ETF1: variants seen among roughly 807,000 people sequenced by gnomAD.
ETF1 encodes the protein eukaryotic peptide chain release factor subunit 1.
In ETF1, 4 loss-of-function variants were observed where a neutral mutation model predicts 55.1. The observed-to-expected ratio is 0.07, with a 90% CI of 0.04 to 0.17. ETF1 has a LOEUF of 0.17. ETF1 is among the 10% of genes least tolerant of loss of function. The pLI is 1.00. For missense variants in ETF1, 142 were observed against 523.6 expected, an observed-to-expected ratio of 0.27 and a Z score of 7.11; for synonymous variants, 157 against 182.3, an observed-to-expected ratio of 0.86 and a Z score of 1.12.
rs57906231 is a variant in ETF1, at chr5:138,510,357, C to CAA, written c.1083+206_1083+207dup. Among the ~76,000 whole-genome samples the CAA allele has an allele frequency of 2.8e-3, 182 of 64,788 alleles. 8 individuals are homozygous for CAA. Among genetic ancestry groups the CAA allele is most frequent in the Admixed American group, 0.017 (76 of 4,392 alleles). The allele number at this position is 64,788 out of a possible 152,430, so 42.5% of individuals were successfully genotyped here. On this transcript the variant is annotated intron_variant, in intron 9 of 10. Transcript: ENST00000360541. ...TGGGCAACAGAGCAAGACCTTGTCTCAAAAAAAAAAAAAAAAAAAAAAAAA... is the reference window on the plus strand; with the variant it reads ...TGGGCAACAGAGCAAGACCTTGTCTCAAAAAAAAAAAAAAAAAAAAAAAAAAA...
intron 5 of ETF1, chr5:138,513,231 TTCTC>T (rs763907320): frequency 1.3e-4 from 128 of 983,882 alleles, no homozygotes; most frequent in Non-Finnish European, 1.4e-4. Flanking sequence ...TCATACTGTT[TTCTC>T]TCTCTCTCTT....
rs958878041 is a variant in ETF1, at chr5:138,541,582, G to A, written c.86+1251C>T. 10 of 1,533,180 alleles carry A rather than the reference G, an allele frequency of 6.5e-6. No individual in the cohort carries two copies. In the African/African-American group the frequency reaches 1.1e-4, roughly 17 times the overall value. 95.0% of individuals were successfully genotyped at this position (1,533,180 alleles called of 1,614,324 possible). ...TTTCATATAACAGTAATAATGAAGA[G>A]CTTGGAGGGGCTGTCATTCTAAAAT... On this transcript the variant is annotated intron_variant, in intron 2 of 10. Transcript: ENST00000360541.
intron 2 of ETF1, among the ~76,000 whole-genome samples, chr5:138,527,557 TGG>T (rs1322370886): frequency 6.6e-6 from 1 of 152,236 alleles, no homozygotes; most frequent in Non-Finnish European, 1.5e-5. Flanking sequence ...ATACTTGCTT[TGG>T]AAGAGACTGG....
At chr5:138,542,616 G>C in intron 2 of ETF1, 1 of 1,418,436 alleles carries the variant, frequency 7.1e-7, no homozygotes, top group Non-Finnish European at 9.2e-7. Flanking sequence ...TCTAAACCGG[G>C]GAGCGCGGGC....
rs192289398 is a variant in ETF1 at position 138,511,453 on chromosome 5, A to T, written c.862+22T>A. The stretch of plus-strand genomic sequence containing the variant: ...ACACACGAAAACATTTCACAGAATA[A>T]GTAGTTGCATTTCACCGATACCTAT... On this transcript the variant is annotated intron_variant, in intron 7 of 10. Coordinates refer to ENST00000360541, the MANE Select transcript of ETF1 (RefSeq NM_004730.4). 6.9e-4 allele frequency: 1,106 copies of T among 1,612,536 alleles called. 18 individuals are homozygous for T. In the African/African-American group the frequency reaches 0.012, roughly 17 times the overall value.
chr5:138,534,314 GAA>G lies in ETF1; in HGVS notation c.86+8517_86+8518del, dbSNP rs1311570754. On this transcript the variant is annotated intron_variant, in intron 2 of 10. Coordinates refer to ENST00000360541, the MANE Select transcript of ETF1 (RefSeq NM_004730.4). ...TGATAGGCATTATTAGTCTTAAAAAGAAAAATTAAAAGATCTTCACAAACCCA... is the reference window on the plus strand; with the variant it reads ...TGATAGGCATTATTAGTCTTAAAAAGAAATTAAAAGATCTTCACAAACCCA... Among the ~76,000 whole-genome samples, 3 of 152,126 alleles carry G rather than the reference GAA, an allele frequency of 2.0e-5. No homozygotes were observed. The East Asian group carries it at 5.8e-4, about 29-fold the overall frequency.
At chr5:138,542,019 C>T (rs1766199555) in intron 2 of ETF1, among the ~76,000 whole-genome samples, 1 of 152,178 alleles carries the variant, frequency 6.6e-6, no homozygotes, top group Non-Finnish European at 1.5e-5. Context: ...ACTCAACAAG[C>T]ATCAAGCACA....
chr5:138,513,140 G>A, intron 5 of ETF1, 186 bp from the exon 6 acceptor site: 1 of 985,378 alleles, frequency 1.0e-6, no homozygotes, highest in Non-Finnish European at 1.2e-6. Context: ...TCTATGTCAA[G>A]AGAGGAGCTG....
At chr5:138,532,028 A>G (rs927789092) in intron 2 of ETF1, among the ~76,000 whole-genome samples, 9 of 151,170 alleles carry the variant, frequency 6.0e-5, no homozygotes, top group Admixed American at 2.0e-4. Context: ...CTTGGGCGAC[A>G]GAGCGAGACT....
At chr5:138,521,807 G>A (rs945677803) in intron 2 of ETF1, among the ~76,000 whole-genome samples, 1 of 152,224 alleles carries the variant, frequency 6.6e-6, no homozygotes, top group East Asian at 1.9e-4. Flanking sequence ...TGGGATTACA[G>A]GCGTGAGCCA....
chr5:138,518,203 CA>C lies in ETF1; in HGVS notation c.262+488del, dbSNP rs35745884. 8.8e-3 allele frequency among the ~76,000 whole-genome samples: 711 copies of C among 80,432 alleles called. 5 individuals are homozygous for C. Among genetic ancestry groups the C allele is most frequent in the East Asian group, 0.031 (90 of 2,870 alleles). The allele number at this position is 80,432 out of a possible 152,430, so 52.8% of individuals were successfully genotyped here. A position where few individuals can be genotyped will look rare whatever the true frequency, so the allele number is the denominator to read the frequency against. On this transcript the variant is annotated intron_variant, in intron 3 of 10. Transcript: ENST00000360541. ...GACAGAGCAAGACTCTGTCTCATCC[CA>C]AAAAAAAAAAAAAAAAAAAAAATTG...
intron 2 of ETF1, among the ~76,000 whole-genome samples, chr5:138,540,526 C>A (rs1766129518): frequency 6.6e-6 from 1 of 152,144 alleles, no homozygotes; most frequent in Non-Finnish European, 1.5e-5. Context: ...ATATTCCCAC[C>A]TCCAAAAACT....
At chr5:138,515,863 T>G (rs1764995936) in intron 4 of ETF1, among the ~76,000 whole-genome samples, 1 of 152,106 alleles carries the variant, frequency 6.6e-6, no homozygotes, top group African/African-American at 2.4e-5. Flanking sequence ...AGAAAAACAG[T>G]CTGGATTGTC....
chr5:138,518,337 A>G (rs1316683251), intron 3 of ETF1, among the ~76,000 whole-genome samples: 1 of 152,022 alleles, frequency 6.6e-6, no homozygotes, highest in African/African-American at 2.4e-5. Context: ...CAGCCTCCAG[A>G]GTAGATGGGA....
At chr5:138,531,418 A>C (rs542372365) in intron 2 of ETF1, among the ~76,000 whole-genome samples, 1 of 152,272 alleles carries the variant, frequency 6.6e-6, no homozygotes, top group South Asian at 2.1e-4. Flanking sequence ...AAAAACCCCC[A>C]AAACCTAAGA....
chr5:138,536,557 T>C (rs1366100723), intron 2 of ETF1, among the ~76,000 whole-genome samples: 1 of 152,154 alleles, frequency 6.6e-6, no homozygotes, highest in Non-Finnish European at 1.5e-5. Flanking sequence ...ACTAAGATAG[T>C]AGGCTGCTGA....
At chr5:138,517,459 C>G (rs1765068781) in intron 4 of ETF1, 102 bp downstream of exon 4, 4 of 521,254 alleles carry the variant, frequency 7.7e-6, no homozygotes, top group Non-Finnish European at 1.3e-5. Flanking sequence ...TAGTGGTTGC[C>G]TAGAATGAGA....
intron 2 of ETF1, among the ~76,000 whole-genome samples, chr5:138,538,284 GGTTCAAGCA>G (rs1456500395): frequency 0.01 from 1,427 of 139,086 alleles, 47 homozygotes; most frequent in African/African-American, 0.019. Flanking sequence ...ACGCCTCCAA[GGTTCAAGCA>G]TTTCTCCTGC....
intron 4 of ETF1, among the ~76,000 whole-genome samples, chr5:138,515,121 T>G (rs1296694534): frequency 6.6e-6 from 1 of 152,148 alleles, no homozygotes; most frequent in Non-Finnish European, 1.5e-5. Context: ...CCATGCTAGA[T>G]AGTTGGCATT....
Sources: allele counts gnomAD v4.1 joint callset (sites outside exome capture counted in the v4.1 genomes callset), GRCh38; gene constraint gnomAD v4.1.1; transcripts MANE v1.5; gene names NCBI Gene and HGNC (gene_info 2026-07-23, HGNC 2026-07-21).